DDX4: variants seen among roughly 807,000 people sequenced by gnomAD.
DDX4 encodes probable ATP-dependent RNA helicase DDX4.
A neutral mutation model predicts 100.0 loss-of-function variants in DDX4; 25 were observed. The observed-to-expected ratio is 0.25, with a 90% confidence interval of 0.18 to 0.35. The LOEUF (loss-of-function observed/expected upper bound fraction) is 0.35. DDX4 is among the 10% of genes least tolerant of loss of function. DDX4 has a pLI of 1.00. For synonymous variants in DDX4, 259 were observed against 275.7 expected, an observed-to-expected ratio of 0.94 and a Z score of 0.60; for missense variants, 635 against 882.4, an observed-to-expected ratio of 0.72 and a Z score of 3.55.
intron 18 of DDX4, among the ~76,000 whole-genome samples, chr5:55,810,350 C>G (rs1410399609): frequency 1.3e-5 from 2 of 152,190 alleles, no homozygotes; most frequent in Non-Finnish European, 2.9e-5. Flanking sequence ...GGTGATCCGC[C>G]CGCCTTGGCC....
chr5:55,760,209 A>T lies in DDX4; in HGVS notation c.137A>T (p.Asp46Val). Residue 46 changes from aspartate to valine, a missense_variant, in exon 4 of 22, where the codon GAT (aspartate) becomes GTT (valine). Around this residue, in one of 4 missense-constraint regions of DDX4, gnomAD observed 446 missense variants for 540.8 expected, o/e 0.82. Transcript: ENST00000505374. ...ATGTTGTTTGCTTTAGAAATGGATG[A>T]TGGACCTTCTCGAAGAGATCATTTC... The part of the protein sequence containing the change: ...RTPASSSEMD[D>V]GPSRRDHFMK... 1.3e-6 allele frequency: 2 copies of T among 1,572,054 alleles called. No homozygotes were observed. Among genetic ancestry groups the T allele is most frequent in the South Asian group, 1.2e-5 (1 of 83,520 alleles).
intron 5 of DDX4, 67 bp downstream of exon 5, chr5:55,763,319 A>G: frequency 1.0e-6 from 1 of 989,992 alleles, no homozygotes; most frequent in Non-Finnish European, 1.6e-6. Context: ...GAGTTTAAAT[A>G]CTGATTGACA....
chr5:55,761,117 A>ACATGTTTCTGCCACAT (rs1740513192), intron 4 of DDX4, among the ~76,000 whole-genome samples: 1 of 152,216 alleles, frequency 6.6e-6, no homozygotes, highest in African/African-American at 2.4e-5. Context: ...CACAAATTTG[A>ACATGTTTCTGCCACAT]GTTTTATATT....
chr5:55,783,083 C>T (rs115861308), intron 10 of DDX4, among the ~76,000 whole-genome samples: 262 of 152,142 alleles, frequency 1.7e-3, no homozygotes, highest in African/African-American at 6.2e-3. Context: ...TGAGCCACTG[C>T]GCCTGACCTT....
intron 17 of DDX4, among the ~76,000 whole-genome samples, chr5:55,794,875 A>T (rs1742822226): frequency 6.6e-6 from 1 of 151,744 alleles, no homozygotes; most frequent in Non-Finnish European, 1.5e-5. Flanking sequence ...CTGAGTTATG[A>T]TATATCCGTT....
rs10061476 is a variant in DDX4, at chr5:55,781,741, C to T, written c.578-193C>T. Among the ~76,000 whole-genome samples, 494 of 149,532 alleles carry T rather than the reference C, an allele frequency of 3.3e-3. 4 individuals are homozygous for T. Among genetic ancestry groups the T allele is most frequent in the African/African-American group, 0.012 (481 of 40,524 alleles). On this transcript the variant is annotated intron_variant, in intron 9 of 21. Coordinates refer to ENST00000505374, the MANE Select transcript of DDX4 (RefSeq NM_024415.3). Reference sequence around the variant, plus strand: ...GCAGAGAGCCAAGATCACGCCACTGCACTCCAGCCTTGGTGATAGAGTGAG... The same window carrying T: ...GCAGAGAGCCAAGATCACGCCACTGTACTCCAGCCTTGGTGATAGAGTGAG...
intron 18 of DDX4, among the ~76,000 whole-genome samples, chr5:55,811,901 C>T (rs1432084654): frequency 6.6e-6 from 1 of 152,094 alleles, no homozygotes; most frequent in African/African-American, 2.4e-5. Flanking sequence ...ATAATACTAG[C>T]TTATTTGGCT....
intron 18 of DDX4, among the ~76,000 whole-genome samples, chr5:55,802,245 T>C (rs943798052): frequency 6.6e-6 from 1 of 152,106 alleles, no homozygotes; most frequent in Non-Finnish European, 1.5e-5. Context: ...AGTTAAGAAA[T>C]CTGAATTTGG....
intron 3 of DDX4, among the ~76,000 whole-genome samples, chr5:55,754,640 T>TTG (rs1456345565): frequency 6.6e-6 from 1 of 151,916 alleles, no homozygotes; most frequent in East Asian, 1.9e-4. Context: ...TTATCTTTTT[T>TTG]TGTTGTGTCT....
At chr5:55,746,994 A>G (rs1216033632) in intron 3 of DDX4, among the ~76,000 whole-genome samples, 2 of 151,994 alleles carry the variant, frequency 1.3e-5, no homozygotes, top group African/African-American at 4.8e-5. Context: ...CACTTTGGGA[A>G]GCCGAAGTAG....
At chr5:55,766,848 C>T in intron 6 of DDX4, 2 of 1,463,182 alleles carry the variant, frequency 1.4e-6, no homozygotes, top group Non-Finnish European at 1.8e-6. Flanking sequence ...TTGGAATCTT[C>T]TGGAAAGCCT....
At chr5:55,805,515 TGA>T (rs1439000197) in intron 18 of DDX4, among the ~76,000 whole-genome samples, 1 of 152,078 alleles carries the variant, frequency 6.6e-6, no homozygotes, top group Non-Finnish European at 1.5e-5. Flanking sequence ...CCTAATTTAT[TGA>T]GAGTTTTTAG....
intron 20 of DDX4, 65 bp from the exon 21 acceptor site, chr5:55,815,248 A>G (rs1386737627): frequency 8.1e-6 from 13 of 1,596,136 alleles, no homozygotes; most frequent in Admixed American, 1.8e-5. Context: ...GCATGTGTAT[A>G]TAACAAGTAA....
chr5:55,758,724 A>C (rs1051624704), intron 3 of DDX4, among the ~76,000 whole-genome samples: 2 of 151,910 alleles, frequency 1.3e-5, no homozygotes, highest in African/African-American at 4.8e-5. Context: ...CATTTCTAAT[A>C]CTGTTCACTT....
chr5:55,805,041 C>A lies in DDX4; in HGVS notation c.1615+6470C>A, dbSNP rs75129905. 4.6e-3 allele frequency among the ~76,000 whole-genome samples: 698 copies of A among 152,110 alleles called. 4 individuals are homozygous for A. Among genetic ancestry groups the A allele is most frequent in the African/African-American group, 0.016 (677 of 41,454 alleles). On this transcript the variant is annotated intron_variant, in intron 18 of 21. Coordinates refer to ENST00000505374, the MANE Select transcript of DDX4 (RefSeq NM_024415.3). ...TTCTCCTTGAAGAGGTCCTTCACAT[C>A]CCTTGTAAGATGGATTCCTAGGTAT...
chr5:55,767,052 G>A lies in DDX4; in HGVS notation c.335-829G>A, dbSNP rs1043340753. 86 of 1,454,156 alleles carry A rather than the reference G, an allele frequency of 5.9e-5. 1 individual carries two copies. The highest frequency in any genetic ancestry group is 8.4e-5 in the Admixed American group (3 of 35,648). 90.1% of individuals were successfully genotyped at this position (1,454,156 alleles called of 1,614,324 possible). Reference sequence around the variant, plus strand: ...AATGTTACTTACTAATATCAAAAATGGAGAAGCTAGGATATCCCCAAATTA... The same window carrying A: ...AATGTTACTTACTAATATCAAAAATAGAGAAGCTAGGATATCCCCAAATTA... On this transcript the variant is annotated intron_variant, in intron 6 of 21. Transcript: ENST00000505374.
At chr5:55,810,059 G>A (rs162091) in intron 18 of DDX4, among the ~76,000 whole-genome samples, 16,153 of 152,160 alleles carry the variant, frequency 0.11, 984 homozygotes, top group East Asian at 0.15. Context: ...AATAGAGGCC[G>A]AGTATCACTT....
chr5:55,815,347 T>C lies in DDX4; in HGVS notation c.2021T>C (p.Ile674Thr), dbSNP rs199707542. The C allele has an allele frequency of 6.2e-7, 1 of 1,613,362 alleles. No individual in the cohort carries two copies. The highest frequency in any genetic ancestry group is 8.5e-7 in the Non-Finnish European group (1 of 1,179,886). Reference sequence around the variant, plus strand: ...GATGTTCCTGCATGGTTGGAAGAAATTGCCTTTAGTACATACATTCCTGGC... The same window carrying C: ...GATGTTCCTGCATGGTTGGAAGAAACTGCCTTTAGTACATACATTCCTGGC... ...QQDVPAWLEE[I>T]AFSTYIPGFS... is the part of the protein sequence containing the mutation. Residue 674 changes from isoleucine (I) to threonine (T), a missense_variant, in exon 21 of 22, where the codon ATT becomes ACT. Physicochemically the swap from Ile to Thr is moderately conservative, Grantham distance 89. This residue lies in a region of DDX4 where 73 missense variants were observed against 98.5 expected (regional missense o/e 0.74). Transcript: ENST00000505374.
At chr5:55,779,465 G>A (rs1042760288) in intron 7 of DDX4, among the ~76,000 whole-genome samples, 2 of 152,112 alleles carry the variant, frequency 1.3e-5, no homozygotes, top group African/African-American at 2.4e-5. Context: ...TCTGCTCTAT[G>A]TGCAATTAAA....
Sources: allele counts gnomAD v4.1 joint callset (sites outside exome capture counted in the v4.1 genomes callset), GRCh38; gene constraint gnomAD v4.1.1; regional missense constraint gnomAD v4.1.1; transcripts MANE v1.5; gene names NCBI Gene and HGNC (gene_info 2026-07-23, HGNC 2026-07-21).